The following PRRC2B variants were observed in gnomAD, a reference collection of about 807,000 sequenced individuals.
PRRC2B encodes protein PRRC2B.
Under a neutral mutation model 242.3 loss-of-function variants are expected in PRRC2B, and 68 were observed. The ratio of observed to expected loss-of-function variants is 0.28; its 90% CI spans 0.23 to 0.34. The LOEUF is 0.34. PRRC2B is among the 10% of genes least tolerant of loss of function. PRRC2B has a pLI of 1.00. For missense variants in PRRC2B, 2,835 were observed against 2,954.8 expected, an observed-to-expected ratio of 0.96 and a Z score of 0.94; for synonymous variants, 1,228 against 1,173.6, an observed-to-expected ratio of 1.05 and a Z score of -0.95.
chr9:131,374,311 AAAAT>A (rs1026241796), intron 1 of PRRC2B, among the ~76,000 whole-genome samples: 34 of 152,090 alleles, frequency 2.2e-4, no homozygotes, highest in African/African-American at 4.6e-4. Flanking sequence ...ACTCTGTCTC[AAAAT>A]AAATAAATAA....
At chr9:131,387,679 AG>A (rs1382841800) in intron 1 of PRRC2B, among the ~76,000 whole-genome samples, 1 of 149,856 alleles carries the variant, frequency 6.7e-6, no homozygotes, top group African/African-American at 2.4e-5. Context: ...AAAGGCTGTG[AG>A]GAACAGTGGA....
intron 1 of PRRC2B, among the ~76,000 whole-genome samples, chr9:131,399,276 CAAAAAAAAAAAAA>C (rs72492020): frequency 2.3e-5 from 1 of 44,218 alleles, no homozygotes; most frequent in Non-Finnish European, 4.4e-5. Flanking sequence ...AATTCTGTCT[CAAAAAAAAAAAAA>C]AAAAAAAAGT....
At chr9:131,397,188 C>A (rs907291191) in intron 1 of PRRC2B, among the ~76,000 whole-genome samples, 5 of 152,212 alleles carry the variant, frequency 3.3e-5, no homozygotes, top group African/African-American at 1.2e-4. Flanking sequence ...GAGATAGTCG[C>A]TGCCTCTCCC....
intron 15 of PRRC2B, 93 bp from the exon 16 acceptor site, chr9:131,474,361 G>GTTT: frequency 9.0e-7 from 1 of 1,113,728 alleles, no homozygotes; most frequent in African/African-American, 1.6e-5. Flanking sequence ...TTTTGTTTTT[G>GTTT]TTTTTTCTTT....
At position 131,446,672 on chromosome 9, in the gene PRRC2B, C is replaced by A; in HGVS notation, c.855+30C>A. ...GTCTTCAGAGTGTACTTTTTTTCCC[C>A]CCATGAAGTTGGATTGTGTCCAGCA... On this transcript the variant is annotated intron_variant, in intron 7 of 31. Coordinates refer to ENST00000683519, the MANE Select transcript of PRRC2B (RefSeq NM_013318.4). This position sits in a 1 kb window ranked among gnomAD's most constrained non-coding sequence, Gnocchi z 4.1. 6.2e-7 allele frequency: 1 copy of A among 1,610,490 alleles called. No homozygotes were observed. Among genetic ancestry groups the A allele is most frequent in the Non-Finnish European group, 8.5e-7 (1 of 1,177,534 alleles).
intron 12 of PRRC2B, among the ~76,000 whole-genome samples, chr9:131,466,086 A>G (rs2131426032): frequency 6.6e-6 from 1 of 152,352 alleles, no homozygotes; most frequent in African/African-American, 2.4e-5. Context: ...CTCTTGTAGC[A>G]GTTTTGAAGA....
chr9:131,467,721 C>T lies in PRRC2B; in HGVS notation c.1879C>T (p.Arg627Ter). 1 of 1,613,930 alleles carries T rather than the reference C, an allele frequency of 6.2e-7. No individual in the cohort carries two copies. The highest frequency in any genetic ancestry group is 8.5e-7 in the Non-Finnish European group (1 of 1,179,870). Residue 627 changes from arginine to a stop codon, truncating the protein, a stop_gained, in exon 13 of 32, where the codon CGA (arginine) becomes TGA (stop). Coordinates refer to ENST00000683519, the MANE Select transcript of PRRC2B (RefSeq NM_013318.4). LOFTEE classifies it high-confidence loss of function. ...EFKYQKSLPP[R>*]FQRQQQQQQQ... is the part of the protein sequence containing the mutation. ...CAAGTATCAGAAGTCCCTTCCTCCC[C>T]GATTCCAGCGCCAGCAGCAGCAACA...
In PRRC2B at chr9:131,446,376, C is replaced by G; in HGVS notation, c.614-25C>G. The stretch of plus-strand genomic sequence containing the variant: ...TCCTTCCCCCTCCTCTTCCCTCTCC[C>G]CTTTTGCCCCCTTTCAATTTCCAGA... On this transcript the variant is annotated intron_variant, in intron 6 of 31. Transcript: ENST00000683519. The surrounding 1 kb of genome is among the most constrained non-coding windows in gnomAD (Gnocchi z 4.1). The G allele has an allele frequency of 1.9e-6, 3 of 1,612,482 alleles. No homozygotes were observed. Among genetic ancestry groups the G allele is most frequent in the Non-Finnish European group, 2.5e-6 (3 of 1,179,242 alleles).
intron 1 of PRRC2B, among the ~76,000 whole-genome samples, chr9:131,380,542 G>A (rs1836742722): frequency 1.3e-5 from 2 of 150,484 alleles, no homozygotes; most frequent in Admixed American, 1.3e-4. Context: ...TTGCGCCATT[G>A]CACTCCAGCC....
intron 10 of PRRC2B, among the ~76,000 whole-genome samples, chr9:131,458,954 C>A (rs1019786949): frequency 6.6e-6 from 1 of 152,146 alleles, no homozygotes; most frequent in East Asian, 1.9e-4. Flanking sequence ...TGTGACATAT[C>A]GTGCCTGGGG....
chr9:131,462,487 A>G (rs1943268403), intron 11 of PRRC2B, among the ~76,000 whole-genome samples: 1 of 151,062 alleles, frequency 6.6e-6, no homozygotes. Context: ...TGCTAGGATT[A>G]CAAGCATGAG....
intron 3 of PRRC2B, among the ~76,000 whole-genome samples, chr9:131,434,938 A>G (rs1838296770): frequency 6.6e-6 from 1 of 152,128 alleles, no homozygotes; most frequent in Non-Finnish European, 1.5e-5. Context: ...TTGATCCAGC[A>G]TTTCCATTTC....
chr9:131,453,131 A>C (rs1034747362), intron 9 of PRRC2B, among the ~76,000 whole-genome samples: 1 of 152,166 alleles, frequency 6.6e-6, no homozygotes, highest in Admixed American at 6.5e-5. Context: ...TATAGTTTCT[A>C]TGCCTTTCTG....
intron 1 of PRRC2B, among the ~76,000 whole-genome samples, chr9:131,396,991 A>G (rs1290928328): frequency 6.6e-6 from 1 of 152,094 alleles, no homozygotes; most frequent in Admixed American, 6.5e-5. Context: ...TCCCGCAACC[A>G]TCTTGTTGGT....
rs897202209 is a variant in PRRC2B, at chr9:131,497,048, G to C, written c.*1174G>C. On this transcript the variant is annotated 3_prime_UTR_variant, in exon 32 of 32. Coordinates refer to ENST00000683519, the MANE Select transcript of PRRC2B (RefSeq NM_013318.4). ...TCATCGTGAACACCACTTGGTGATG[G>C]AGGGAGTGGACCCGTGTGTGGTCCC... is the stretch of plus-strand genomic sequence containing the variant. 1.3e-5 allele frequency: 2 copies of C among 152,308 alleles called. No individual in the cohort carries two copies. The allele number at this position is 152,308 out of a possible 1,614,324, so 9.4% of individuals were successfully genotyped here.
chr9:131,382,976 C>T (rs996888916), intron 1 of PRRC2B, among the ~76,000 whole-genome samples: 4 of 152,160 alleles, frequency 2.6e-5, no homozygotes, highest in Admixed American at 6.6e-5. Context: ...GTGCACCTCC[C>T]CTCAGGTGGG....
chr9:131,470,906 T>C lies in PRRC2B; in HGVS notation c.2030T>C (p.Met677Thr). 6.2e-7 allele frequency: 1 copy of C among 1,612,378 alleles called. No individual in the cohort carries two copies. Among genetic ancestry groups the C allele is most frequent in the Non-Finnish European group, 8.5e-7 (1 of 1,179,018 alleles). The stretch of plus-strand genomic sequence containing the variant: ...GGCTTCGATCCCAGGTGGATGATGA[T>C]GCCTTCCTACATGGACCCACGTATC... Reference protein sequence around the residue: ...MLGFDPRWMMMPSYMDPRITP... With the variant: ...MLGFDPRWMMTPSYMDPRITP... Residue 677 changes from methionine (M) to threonine (T), a missense_variant, in exon 14 of 32, where the codon ATG becomes ACG. By Grantham distance (81) the Met-to-Thr change is moderately conservative (BLOSUM62 -1). Transcript: ENST00000683519.
At chr9:131,452,494 A>G (rs1942953562) in intron 9 of PRRC2B, among the ~76,000 whole-genome samples, 2 of 152,176 alleles carry the variant, frequency 1.3e-5, no homozygotes, top group Admixed American at 6.6e-5. Flanking sequence ...AGTTGTTGAA[A>G]TTATTAACAT....
chr9:131,388,239 CTTTTTTT>C (rs536012324), intron 1 of PRRC2B, among the ~76,000 whole-genome samples: 14 of 121,098 alleles, frequency 1.2e-4, no homozygotes, highest in African/African-American at 3.0e-4. Flanking sequence ...TTTACTTTTA[CTTTTTTT>C]TTTTTTTTTT....
Sources: allele counts gnomAD v4.1 joint callset (sites outside exome capture counted in the v4.1 genomes callset), GRCh38; gene constraint gnomAD v4.1.1; non-coding constraint Gnocchi (gnomAD v3.1); transcripts MANE v1.5; gene names NCBI Gene and HGNC (gene_info 2026-07-23, HGNC 2026-07-21).